Variants in ZNF423 observed in about 807,000 individuals in gnomAD.
ZNF423 encodes the protein Ebf-associated zinc finger protein.
A neutral mutation model predicts 95.8 loss-of-function variants in ZNF423; 12 were observed. The observed-to-expected ratio is 0.13, with a 90% confidence interval of 0.08 to 0.20. The LOEUF (loss-of-function observed/expected upper bound fraction) is 0.20. Ranked by LOEUF, ZNF423 falls within the 10% of genes least tolerant of loss-of-function variation. The pLI is 1.00. For synonymous variants in ZNF423, 749 were observed against 711.9 expected (o/e 1.05, Z -0.83); for missense variants, 1,316 against 1,737.1 (o/e 0.76, Z 4.31).
At position 49,488,371 on chromosome 16, in the gene ZNF423, C is replaced by CCTGT. The variant is rs201415291; in HGVS notation, c.*2903_*2904insACAG. 34,807 of 152,090 alleles carry CCTGT rather than the reference C, an allele frequency of 0.23. 4,974 individuals are homozygous for CCTGT. Among genetic ancestry groups the CCTGT allele is most frequent in the Admixed American group, 0.36 (5,433 of 15,278 alleles). The allele number at this position is 152,090 out of a possible 1,614,324, so 9.4% of individuals were successfully genotyped here. ...GGTGTTCCATGACAGGGGCCTGTGGCCCAAGGGTCCTGGTCCATTTCCCAG... is the reference window on the plus strand; with the variant it reads ...GGTGTTCCATGACAGGGGCCTGTGGCCTGTCCAAGGGTCCTGGTCCATTTCCCAG... On this transcript the variant is annotated 3_prime_UTR_variant, in exon 8 of 8. Transcript: ENST00000563137.
At chr16:49,602,094 C>G (rs1971394512) in intron 5 of ZNF423, among the ~76,000 whole-genome samples, 1 of 152,254 alleles carries the variant, frequency 6.6e-6, no homozygotes, top group Non-Finnish European at 1.5e-5. Context: ...GCTATGCCAG[C>G]CTAGGCTCCC....
Position 49,636,583 on chromosome 16 carries a change from C to T in ZNF423, c.2593G>A (p.Asp865Asn), listed in dbSNP as rs1240369267. The change falls in exon 4 of 8, where the codon GAC becomes AAC. Residue 865 changes from aspartate (D) to asparagine (N), a missense_variant. Asp to Asn is a conservative substitution (Grantham distance 23, BLOSUM62 1). Around this residue, in one of 6 missense-constraint regions of ZNF423, gnomAD observed 620 missense variants for 775.6 expected, o/e 0.80. Coordinates refer to ENST00000563137, the MANE Select transcript of ZNF423 (RefSeq NM_001379286.1). This position sits in a 1 kb window ranked among gnomAD's most constrained non-coding sequence, Gnocchi z 8.6. Reference sequence around the variant, plus strand: ...TTCTTAAGCAGCATGCCCTGCAGGTCAGCAGGCTCAGCTTTCTTGGTGGCC... The same window carrying T: ...TTCTTAAGCAGCATGCCCTGCAGGTTAGCAGGCTCAGCTTTCTTGGTGGCC... ...PMATKKAEPA[D>N]LQGMLLKNPE... is the part of the protein sequence containing the mutation. The T allele has an allele frequency of 1.2e-6, 2 of 1,613,974 alleles. No individual in the cohort carries two copies. The highest frequency in any genetic ancestry group is 4.5e-5 in the East Asian group (2 of 44,858).
At chr16:49,569,451 G>C (rs1272722725) in intron 5 of ZNF423, among the ~76,000 whole-genome samples, 1 of 152,216 alleles carries the variant, frequency 6.6e-6, no homozygotes, top group Non-Finnish European at 1.5e-5. Context: ...AGAGTGAAAA[G>C]AGAGCCGTTT....
chr16:49,820,077 G>C (rs1181536137), intron 1 of ZNF423, among the ~76,000 whole-genome samples: 1 of 150,212 alleles, frequency 6.7e-6, no homozygotes, highest in Non-Finnish European at 1.5e-5. Flanking sequence ...TGGATGCATG[G>C]ATGGATGGGT....
intron 3 of ZNF423, among the ~76,000 whole-genome samples, chr16:49,726,352 T>G (rs1261312059): frequency 6.6e-6 from 1 of 152,116 alleles, no homozygotes. Flanking sequence ...CTGGCTTCAG[T>G]GAGCACATAA....
At chr16:49,827,101 T>A (rs1401189191) in intron 1 of ZNF423, 2 of 152,152 alleles carry the variant, frequency 1.3e-5, no homozygotes, top group African/African-American at 4.8e-5. Flanking sequence ...GGAAAAGATA[T>A]TAAAAAATAT....
At chr16:49,496,122 G>C (rs1967157118) in intron 7 of ZNF423, among the ~76,000 whole-genome samples, 1 of 152,254 alleles carries the variant, frequency 6.6e-6, no homozygotes. Flanking sequence ...GTGACCTCAA[G>C]GTGGGCAGGA....
intron 1 of ZNF423, among the ~76,000 whole-genome samples, chr16:49,850,539 G>C (rs1016092095): frequency 1.3e-5 from 2 of 152,196 alleles, no homozygotes; most frequent in Non-Finnish European, 2.9e-5. Flanking sequence ...ATGTTTTCAA[G>C]ACATGAAGAT....
intron 7 of ZNF423, among the ~76,000 whole-genome samples, chr16:49,516,440 T>C (rs991547711): frequency 6.6e-6 from 1 of 152,232 alleles, no homozygotes; most frequent in Non-Finnish European, 1.5e-5. Context: ...TGCCAGCCAC[T>C]GTGCCAAGGG....
At chr16:49,534,167 TA>T (rs959976528) in intron 5 of ZNF423, among the ~76,000 whole-genome samples, 4 of 151,028 alleles carry the variant, frequency 2.6e-5, no homozygotes, top group Non-Finnish European at 4.4e-5. Context: ...TTTTTAAAAT[TA>T]AAAAAAAATT....
At chr16:49,569,842 G>T (rs900018729) in intron 5 of ZNF423, among the ~76,000 whole-genome samples, 4 of 152,216 alleles carry the variant, frequency 2.6e-5, no homozygotes, top group African/African-American at 9.6e-5. Context: ...CTTTCCATTT[G>T]TTAAATTCAT....
intron 5 of ZNF423, among the ~76,000 whole-genome samples, chr16:49,582,085 T>C (rs544332806): frequency 6.6e-6 from 1 of 152,326 alleles, no homozygotes; most frequent in South Asian, 2.1e-4. Flanking sequence ...CACGCTCACA[T>C]AGTCTCCTGA....
At chr16:49,847,770 A>C (rs1250905470) in intron 1 of ZNF423, 7 of 152,214 alleles carry the variant, frequency 4.6e-5, no homozygotes, top group Non-Finnish European at 5.9e-5. Flanking sequence ...ACTATAAATG[A>C]AAAATTCATG....
intron 2 of ZNF423, among the ~76,000 whole-genome samples, chr16:49,773,056 T>C (rs888944818): frequency 3.9e-5 from 6 of 152,156 alleles, no homozygotes; most frequent in Admixed American, 1.3e-4. Flanking sequence ...CTGTGGCTCA[T>C]GCCTATAATC....
chr16:49,830,936 T>C (rs2035054535), intron 1 of ZNF423, among the ~76,000 whole-genome samples: 1 of 152,150 alleles, frequency 6.6e-6, no homozygotes, highest in African/African-American at 2.4e-5. Flanking sequence ...CAATCCTGTG[T>C]CAGCCAGCCA....
chr16:49,523,272 G>A (rs746927107), intron 7 of ZNF423, among the ~76,000 whole-genome samples: 1 of 152,204 alleles, frequency 6.6e-6, no homozygotes, highest in Non-Finnish European at 1.5e-5. Flanking sequence ...CAGCCACAAA[G>A]ACATCATGGG....
At chr16:49,814,344 C>T (rs1187752060) in intron 1 of ZNF423, among the ~76,000 whole-genome samples, 1 of 151,998 alleles carries the variant, frequency 6.6e-6, no homozygotes, top group African/African-American at 2.4e-5. Context: ...CTACCCTTTC[C>T]AACAATGGGG....
At chr16:49,586,063 T>G (rs1970821249) in intron 5 of ZNF423, among the ~76,000 whole-genome samples, 2 of 152,250 alleles carry the variant, frequency 1.3e-5, no homozygotes, top group African/African-American at 2.4e-5. Context: ...CCCAGAACGC[T>G]AACCTGGCAC....
chr16:49,844,059 C>G (rs1299509703), intron 1 of ZNF423, among the ~76,000 whole-genome samples: 2 of 151,284 alleles, frequency 1.3e-5, no homozygotes, highest in African/African-American at 4.9e-5. Context: ...TCTGAAAGCC[C>G]GAGGTGGGAG....
Sources: gnomAD v4.1 joint callset for allele counts (sites outside exome capture counted in the v4.1 genomes callset) on GRCh38, gnomAD v4.1.1 for gene constraint, gnomAD v4.1.1 regional missense constraint, Gnocchi (gnomAD v3.1) non-coding constraint, MANE v1.5 for transcripts, NCBI Gene and HGNC (gene_info 2026-07-23, HGNC 2026-07-21) for gene names.